ACBD6: variants seen among roughly 807,000 people sequenced by gnomAD.
ACBD6 encodes the protein acyl-CoA-binding domain-containing protein 6.
A neutral mutation model predicts 37.2 loss-of-function variants in ACBD6; 28 were observed. The ratio of observed to expected loss-of-function variants is 0.75; its 90% confidence interval spans 0.56 to 1.03. The LOEUF (loss-of-function observed/expected upper bound fraction) is 1.03. Among genes scored for constraint, ACBD6 ranks in the 50% least tolerant of loss-of-function variants. ACBD6 has a pLI of 0.00. For missense variants in ACBD6, 340 were observed against 337.4 expected, an observed-to-expected ratio of 1.01 and a Z score of -0.06; for synonymous variants, 113 against 126.8, an observed-to-expected ratio of 0.89 and a Z score of 0.73.
chr1:180,456,625 CA>C (rs1204514212), intron 3 of ACBD6, among the ~76,000 whole-genome samples: 2 of 152,200 alleles, frequency 1.3e-5, no homozygotes, highest in Non-Finnish European at 2.9e-5. Flanking sequence ...ACAGCAACAA[CA>C]AACATGCAAT....
intron 6 of ACBD6, among the ~76,000 whole-genome samples, chr1:180,393,681 C>G (rs531361057): frequency 6.6e-6 from 1 of 152,124 alleles, no homozygotes; most frequent in African/African-American, 2.4e-5. Context: ...TTATTCTGAG[C>G]GCTAATCTCC....
At chr1:180,381,939 C>A (rs189142924) in intron 6 of ACBD6, among the ~76,000 whole-genome samples, 2 of 151,888 alleles carry the variant, frequency 1.3e-5, no homozygotes, top group Non-Finnish European at 2.9e-5. Context: ...GAAACCCCAT[C>A]TCTACTAAAA....
At chr1:180,456,731 T>A (rs879296724) in intron 3 of ACBD6, among the ~76,000 whole-genome samples, 29 of 144,614 alleles carry the variant, frequency 2.0e-4, no homozygotes, top group East Asian at 5.9e-4. Context: ...ATCTTTAAAA[T>A]TTTTTTTTTT....
At chr1:180,485,049 T>C (rs1296660886) in intron 3 of ACBD6, among the ~76,000 whole-genome samples, 1 of 147,018 alleles carries the variant, frequency 6.8e-6, no homozygotes, top group East Asian at 2.0e-4. Flanking sequence ...CTGTCCAGCC[T>C]GGGCAACAGA....
intron 2 of ACBD6, among the ~76,000 whole-genome samples, chr1:180,494,385 C>T (rs1200397268): frequency 6.6e-6 from 1 of 152,056 alleles, no homozygotes; most frequent in Non-Finnish European, 1.5e-5. Context: ...ATCAGGTATT[C>T]TTTAGAACAG....
intron 6 of ACBD6, among the ~76,000 whole-genome samples, chr1:180,338,567 TA>T (rs1490354469): frequency 4.6e-5 from 7 of 152,152 alleles, no homozygotes; most frequent in Non-Finnish European, 7.3e-5. Flanking sequence ...CCTAAAATCA[TA>T]AAAACCCTAG....
At chr1:180,387,042 T>C (rs543706584) in intron 6 of ACBD6, among the ~76,000 whole-genome samples, 1 of 152,272 alleles carries the variant, frequency 6.6e-6, no homozygotes, top group Non-Finnish European at 1.5e-5. Context: ...TCTATTTGGG[T>C]TTCTTGTGCA....
chr1:180,501,221 A>G (rs1392455439), intron 1 of ACBD6, among the ~76,000 whole-genome samples: 1 of 152,206 alleles, frequency 6.6e-6, no homozygotes, highest in African/African-American at 2.4e-5. Flanking sequence ...TAGCTCTAAA[A>G]TTTTTAGATT....
rs771215728 is a variant in ACBD6 at position 180,397,594 on chromosome 1, T to C, written c.585A>G (p.Leu195=). 2 of 1,613,768 alleles carry C rather than the reference T, an allele frequency of 1.2e-6. No individual in the cohort carries two copies. The highest frequency in any genetic ancestry group is 1.7e-4 in the Middle Eastern group (1 of 6,060). The part of the protein sequence containing the change: ...VNVKDEEGRA[L]LHWACDRGHK... ...GTCCTCGATCACAGGCCCAGTGAAG[T>C]AGAGCCCTACCCTAAAAACACAGAA... The change falls in exon 6 of 8, where the codon CTA becomes CTG. Residue 195 remains leucine (L), a synonymous_variant. Transcript: ENST00000367595.
rs528240567 is a variant in ACBD6, at chr1:180,460,624, G to A, written c.385-30362C>T. On this transcript the variant is annotated intron_variant, in intron 3 of 7. Coordinates refer to ENST00000367595, the MANE Select transcript of ACBD6 (RefSeq NM_032360.4). Reference sequence around the variant, plus strand: ...CAGCCTTCGCTGGTGATACCTCCAGGTATTGGAAAATCTGAGGCAACTACG... The same window carrying A: ...CAGCCTTCGCTGGTGATACCTCCAGATATTGGAAAATCTGAGGCAACTACG... Among the ~76,000 whole-genome samples the A allele has an allele frequency of 2.0e-5, 3 of 152,290 alleles. No individual in the cohort carries two copies. In the South Asian group the frequency reaches 6.2e-4, roughly 32 times the overall value.
intron 7 of ACBD6, among the ~76,000 whole-genome samples, chr1:180,297,521 G>C (rs1649966957): frequency 6.6e-6 from 1 of 152,152 alleles, no homozygotes; most frequent in Non-Finnish European, 1.5e-5. Context: ...CATAGAGGCA[G>C]GCAAGAATTG....
At chr1:180,385,881 T>C (rs1653828693) in intron 6 of ACBD6, among the ~76,000 whole-genome samples, 1 of 152,050 alleles carries the variant, frequency 6.6e-6, no homozygotes, top group Non-Finnish European at 1.5e-5. Flanking sequence ...AGTAAAAGGA[T>C]AGAAAAGGCT....
At chr1:180,466,577 A>C (rs1650353119) in intron 3 of ACBD6, among the ~76,000 whole-genome samples, 1 of 152,190 alleles carries the variant, frequency 6.6e-6, no homozygotes, top group Non-Finnish European at 1.5e-5. Context: ...TTAATGACTT[A>C]TTATTGGGTG....
chr1:180,285,039 G>C (rs1475942861), downstream of ACBD6, among the ~76,000 whole-genome samples: 3 of 152,126 alleles, frequency 2.0e-5, no homozygotes, highest in African/African-American at 4.8e-5. Context: ...GGGAGGCTGA[G>C]GTGGGAGGAT....
intron 3 of ACBD6, among the ~76,000 whole-genome samples, chr1:180,484,694 T>C (rs1018282052): frequency 2.1e-4 from 23 of 108,008 alleles, no homozygotes; most frequent in African/African-American, 7.1e-4. Flanking sequence ...GTGTCTACAA[T>C]GAATATGTAT....
chr1:180,497,669 T>G (rs1446090748), intron 1 of ACBD6, among the ~76,000 whole-genome samples: 1 of 152,190 alleles, frequency 6.6e-6, no homozygotes, highest in Non-Finnish European at 1.5e-5. Context: ...TAACTACATA[T>G]TCTAAAAAAA....
chr1:180,424,312 A>G (rs536348109), intron 4 of ACBD6, among the ~76,000 whole-genome samples: 7 of 152,360 alleles, frequency 4.6e-5, no homozygotes, highest in African/African-American at 1.7e-4. Context: ...TGGTTACTAT[A>G]CTAGCATATA....
At chr1:180,384,060 A>G (rs1260642533) in intron 6 of ACBD6, among the ~76,000 whole-genome samples, 2 of 152,126 alleles carry the variant, frequency 1.3e-5, no homozygotes, top group Non-Finnish European at 2.9e-5. Context: ...CTGCAACTAT[A>G]AAACTACTAG....
chr1:180,490,350 T>A (rs372665023), intron 3 of ACBD6, among the ~76,000 whole-genome samples: 1 of 152,118 alleles, frequency 6.6e-6, no homozygotes, highest in Non-Finnish European at 1.5e-5. Context: ...TGAAGACTCA[T>A]GCACATCAGA....
Sources: allele counts gnomAD v4.1 joint callset (sites outside exome capture counted in the v4.1 genomes callset), GRCh38; gene constraint gnomAD v4.1.1; transcripts MANE v1.5; gene names NCBI Gene and HGNC (gene_info 2026-07-23, HGNC 2026-07-21).